The following VSIG1 variants were observed in gnomAD, a reference collection of about 807,000 sequenced individuals.
The protein encoded by VSIG1 is V-set and immunoglobulin domain containing 1.
In VSIG1, 11 loss-of-function variants were observed where a neutral mutation model predicts 20.1. That is an observed-to-expected ratio of 0.55 (90% CI 0.34 to 0.91). VSIG1 has a LOEUF of 0.91. Among genes scored for constraint, VSIG1 ranks in the 40% least tolerant of loss-of-function variants. The probability of loss-of-function intolerance (pLI) is 0.02; values close to 1 mark genes in which losing one functional copy is unlikely to be tolerated. For missense variants in VSIG1, 283 were observed against 298.8 expected, an observed-to-expected ratio of 0.95 and a Z score of 0.39; for synonymous variants, 126 against 116.7, an observed-to-expected ratio of 1.08 and a Z score of -0.52.
intron 3 of VSIG1, among the ~76,000 whole-genome samples, chrX:108,071,175 C>T (rs752200386): frequency 4.2e-4 from 47 of 110,926 alleles, no homozygotes; most frequent in African/African-American, 7.9e-4. Context: ...TTAACCACTG[C>T]GTCTCAGGTA....
the VSIG1 span, among the ~76,000 whole-genome samples, chrX:108,022,327 T>C: frequency 2.0e-4 from 23 of 112,307 alleles, no homozygotes; most frequent in Admixed American, 6.6e-4. Flanking sequence ...TGAAATTATT[T>C]ACTAAATTTT....
At chrX:108,039,922 TATC>T in the VSIG1 span, among the ~76,000 whole-genome samples, 37,947 of 109,676 alleles carry the variant, frequency 0.35, 5,262 homozygotes, top group Non-Finnish European at 0.41. Context: ...GAATATATAA[TATC>T]ATAATTATAC....
At chrX:108,067,925 C>T (rs907515072) in intron 3 of VSIG1, among the ~76,000 whole-genome samples, 30 of 112,177 alleles carry the variant, frequency 2.7e-4, no homozygotes, top group African/African-American at 9.4e-4. Flanking sequence ...CTCTTACAGA[C>T]AGACCAGTTG....
upstream of VSIG1, among the ~76,000 whole-genome samples, chrX:108,044,768 A>T (rs1316082396): frequency 8.9e-6 from 1 of 112,038 alleles, no homozygotes; most frequent in Non-Finnish European, 1.9e-5. Context: ...TTTTATTTGC[A>T]TAGGCTCTCT....
At chrX:108,066,233 CAGA>C (rs914154182) in intron 2 of VSIG1, among the ~76,000 whole-genome samples, 1 of 111,790 alleles carries the variant, frequency 8.9e-6, no homozygotes, top group African/African-American at 3.3e-5. Context: ...GTTTAAATGA[CAGA>C]AGAATTCCAG....
chrX:108,072,670 C>A lies in VSIG1; in HGVS notation c.413-7C>A, dbSNP rs992281994. Reference sequence around the variant, plus strand: ...AAGAATTTTTATTCTTTGTCATTGCCTTACAGTGAAACCTTCTAAGCCCCT... The same window carrying A: ...AAGAATTTTTATTCTTTGTCATTGCATTACAGTGAAACCTTCTAAGCCCCT... On this transcript the variant is annotated splice_polypyrimidine_tract_variant and splice_region_variant and intron_variant, in intron 3 of 6. Coordinates refer to ENST00000217957, the MANE Select transcript of VSIG1 (RefSeq NM_182607.5). 2 of 1,207,045 alleles carry A rather than the reference C, an allele frequency of 1.7e-6. No individual in the cohort carries two copies. The highest frequency in any genetic ancestry group is 2.2e-6 in the Non-Finnish European group (2 of 892,938).
rs185620888 is a variant in VSIG1, at chrX:108,076,060, C to T, written c.689-17C>T. ...CAATATATTCCACTTTATTAACCAG[C>T]TGCTTGTATCCTTCAGATCCAGAAG... is the stretch of plus-strand genomic sequence containing the variant. On this transcript the variant is annotated splice_polypyrimidine_tract_variant and intron_variant, in intron 5 of 6. Transcript: ENST00000217957. The T allele has an allele frequency of 7.1e-3, 8,592 of 1,206,573 alleles. 42 individuals carry two copies. The highest frequency in any genetic ancestry group is 0.034 in the South Asian group (1,879 of 56,019).
chrX:108,033,394 G>C, the VSIG1 span, among the ~76,000 whole-genome samples: 4 of 112,235 alleles, frequency 3.6e-5, no homozygotes, highest in African/African-American at 1.3e-4. Context: ...GGCCACCTGA[G>C]TTCTATTCCT....
In VSIG1 at chrX:108,077,711, C is replaced by CTTTT; in HGVS notation, c.*336_*339dup. 4.8e-6 allele frequency: 1 copy of CTTTT among 209,319 alleles called. No individual in the cohort carries two copies. The highest frequency in any genetic ancestry group is 6.6e-5 in the Admixed American group (1 of 15,119). 17.3% of individuals were successfully genotyped at this position (209,319 alleles called of 1,213,427 possible). ...TATTATTTCTCTCTTTTTAACTACT[C>CTTTT]TTTTTTTTTATTTTAGACAGAGTCT... On this transcript the variant is annotated 3_prime_UTR_variant, in exon 7 of 7. Transcript: ENST00000217957.
rs759623723 is a variant in VSIG1 at position 108,051,760 on chromosome X, G to GA, written c.50-6270dup. The stretch of plus-strand genomic sequence containing the variant: ...TTAACATTATCTTAAAACAAATAAA[G>GA]AAAAAAAAGGAAACTTGCAGAAAAG... On this transcript the variant is annotated intron_variant, in intron 1 of 6. Coordinates refer to ENST00000217957, the MANE Select transcript of VSIG1 (RefSeq NM_182607.5). Among the ~76,000 whole-genome samples the GA allele has an allele frequency of 6.7e-3, 734 of 109,793 alleles. 3 individuals are homozygous for GA. The highest frequency in any genetic ancestry group is 0.011 in the Non-Finnish European group (579 of 52,456).
the VSIG1 span, among the ~76,000 whole-genome samples, chrX:108,030,418 C>A: frequency 1.8e-5 from 2 of 111,653 alleles, no homozygotes; most frequent in African/African-American, 6.5e-5. Flanking sequence ...CCAATAGGGC[C>A]CTCCAAGAAG....
upstream of VSIG1, among the ~76,000 whole-genome samples, chrX:108,040,053 T>G (rs1484896271): frequency 1.8e-5 from 2 of 111,374 alleles, no homozygotes; most frequent in Admixed American, 1.9e-4. Context: ...TAATGAAAAT[T>G]TCTTTATGGT....
chrX:108,040,298 A>T (rs73251771), upstream of VSIG1, among the ~76,000 whole-genome samples: 5,519 of 111,690 alleles, frequency 0.049, 123 homozygotes, highest in East Asian at 0.097. Context: ...AGAAATACAA[A>T]TTAAAGCAAC....
the VSIG1 span, among the ~76,000 whole-genome samples, chrX:108,030,206 G>A: frequency 5.4e-5 from 6 of 111,638 alleles, no homozygotes; most frequent in African/African-American, 2.0e-4. Flanking sequence ...AAAGGTGAAG[G>A]GCCTGGTCCT....
the VSIG1 span, among the ~76,000 whole-genome samples, chrX:108,021,011 T>C: frequency 8.9e-6 from 1 of 111,883 alleles, no homozygotes; most frequent in Non-Finnish European, 1.9e-5. Flanking sequence ...ACAGAAATAT[T>C]CCTCTCTTCA....
intron 2 of VSIG1, among the ~76,000 whole-genome samples, chrX:108,059,650 A>G: frequency 8.9e-6 from 1 of 112,147 alleles, no homozygotes; most frequent in East Asian, 2.8e-4. Context: ...AGATGTCCAG[A>G]CCCAAGGCCT....
intron 2 of VSIG1, among the ~76,000 whole-genome samples, chrX:108,060,438 C>T (rs1197205971): frequency 2.7e-5 from 3 of 110,675 alleles, no homozygotes; most frequent in Non-Finnish European, 5.7e-5. Flanking sequence ...ACAACCATCC[C>T]CCTAAAGGCA....
intron 1 of VSIG1, among the ~76,000 whole-genome samples, chrX:108,054,217 A>T (rs2030845192): frequency 8.9e-6 from 1 of 112,068 alleles, no homozygotes; most frequent in Non-Finnish European, 1.9e-5. Flanking sequence ...CAGCAGGAGG[A>T]TACAATGATC....
the VSIG1 span, among the ~76,000 whole-genome samples, chrX:108,034,373 C>T: frequency 8.9e-6 from 1 of 111,833 alleles, no homozygotes; most frequent in African/African-American, 3.3e-5. Context: ...TCACTTTAAA[C>T]TAGGAGTCAC....
Sources: allele counts gnomAD v4.1 joint callset (sites outside exome capture counted in the v4.1 genomes callset), GRCh38; gene constraint gnomAD v4.1.1; transcripts MANE v1.5; gene names NCBI Gene and HGNC (gene_info 2026-07-23, HGNC 2026-07-21).